The following ITGA6 variants were observed in gnomAD, a reference collection of about 807,000 sequenced individuals.
The protein encoded by ITGA6 is integrin alpha-6.
ITGA6 carries 63 observed loss-of-function variants against 133.6 expected under a neutral mutation model. That is an observed-to-expected ratio of 0.47 (90% CI 0.38 to 0.58). ITGA6 has a LOEUF of 0.58. Ranked by LOEUF, ITGA6 falls within the 20% of genes least tolerant of loss-of-function variation. The probability of loss-of-function intolerance (pLI) is 0.00; values close to 1 mark genes in which losing one functional copy is unlikely to be tolerated. For missense variants in ITGA6, 1,068 were observed against 1,309.4 expected, an observed-to-expected ratio of 0.82 and a Z score of 2.85; for synonymous variants, 434 against 482.0, an observed-to-expected ratio of 0.90 and a Z score of 1.30.
rs1303898315 is a variant in ITGA6, at chr2:172,491,785, C to T, written c.2988+262C>T. On this transcript the variant is annotated intron_variant, in intron 23 of 25. Transcript: ENST00000684293. The surrounding 1 kb of genome is among the most constrained non-coding windows in gnomAD (Gnocchi z 4.4). ...CTCAATTCAGAGAATGGGTGCACCT[C>T]ACAGCCCTCTAGAAACCTGTGTCTT... Among the ~76,000 whole-genome samples, 1 of 152,168 alleles carries T rather than the reference C, an allele frequency of 6.6e-6. No homozygotes were observed. Among genetic ancestry groups the T allele is most frequent in the Non-Finnish European group, 1.5e-5 (1 of 68,036 alleles).
intron 23 of ITGA6, among the ~76,000 whole-genome samples, chr2:172,493,367 A>G (rs974203721): frequency 2.6e-5 from 4 of 152,310 alleles, no homozygotes; most frequent in Admixed American, 1.3e-4. Flanking sequence ...CTCTGCATCT[A>G]TAAAGGCAGC....
chr2:172,475,009 A>C lies in ITGA6; in HGVS notation c.1067A>C (p.Asn356Thr). ...EVGGAVYVYM[N>T]QQGRWNNVKP... ...GGAGGTGCAGTGTATGTCTACATGAACCAGCAAGGCAGATGGAATAATGTG... is the reference window on the plus strand; with the variant it reads ...GGAGGTGCAGTGTATGTCTACATGACCCAGCAAGGCAGATGGAATAATGTG... The change falls in exon 7 of 26, where the codon AAC becomes ACC. Residue 356 changes from asparagine (N) to threonine (T), a missense_variant. Around this residue, in one of 3 missense-constraint regions of ITGA6, gnomAD observed 317 missense variants for 456.9 expected, o/e 0.69. Transcript: ENST00000684293. The C allele has an allele frequency of 1.3e-6, 2 of 1,592,654 alleles. No homozygotes were observed. Among genetic ancestry groups the C allele is most frequent in the Non-Finnish European group, 1.7e-6 (2 of 1,160,298 alleles).
chr2:172,498,845 T>C (rs1433948593), intron 24 of ITGA6, among the ~76,000 whole-genome samples: 2 of 152,208 alleles, frequency 1.3e-5, no homozygotes, highest in Admixed American at 1.3e-4. Context: ...TCTGAAACCT[T>C]GAAGTATATA....
At position 172,479,759 on chromosome 2, in the gene ITGA6, G is replaced by T. The variant is rs1427513665; in HGVS notation, c.1487+20G>T. 4 of 1,598,246 alleles carry T rather than the reference G, an allele frequency of 2.5e-6. No individual in the cohort carries two copies. In the Admixed American group the frequency reaches 5.0e-5, roughly 20 times the overall value. On this transcript the variant is annotated intron_variant, in intron 10 of 25. Transcript: ENST00000684293. ...GATATGGTGAGCATCCCTCTGTCTT[G>T]GTGGGATCCCCCTCAGTTTCCCACC...
chr2:172,435,080 C>T (rs1311896864), intron 1 of ITGA6, among the ~76,000 whole-genome samples: 1 of 148,626 alleles, frequency 6.7e-6, no homozygotes, highest in East Asian at 2.1e-4. Flanking sequence ...TGATAATAAA[C>T]ATTTCAGACC....
intron 13 of ITGA6, among the ~76,000 whole-genome samples, chr2:172,486,104 A>G (rs1686654156): frequency 7.2e-6 from 1 of 138,774 alleles, no homozygotes; most frequent in Non-Finnish European, 1.5e-5. Context: ...TAAACCCGGC[A>G]GGTGGAGTTG....
Position 172,480,059 on chromosome 2 carries a change from C to T in ITGA6, c.1549+8C>T. 6.8e-7 allele frequency: 1 copy of T among 1,466,456 alleles called. No homozygotes were observed. The highest frequency in any genetic ancestry group is 9.6e-7 in the Non-Finnish European group (1 of 1,045,728). The allele number at this position is 1,466,456 out of a possible 1,614,324, so 90.8% of individuals were successfully genotyped here. A position where few individuals can be genotyped will look rare whatever the true frequency, so the allele number is the denominator to read the frequency against. On this transcript the variant is annotated splice_region_variant and intron_variant, in intron 11 of 25. Transcript: ENST00000684293. ...GTTATAATCCTTCAATATGTAAGTA[C>T]CTAGTACCTTTAAAATATGTCTACT...
rs1048013975 is a variant in ITGA6, at chr2:172,498,004, T to C, written c.3018T>C (p.Thr1006=). Residue 1006 remains threonine, a synonymous_variant, in exon 24 of 26, where the codon ACT becomes ACC. Coordinates refer to ENST00000684293, the MANE Select transcript of ITGA6 (RefSeq NM_000210.4). The part of the protein sequence containing the change: ...QVRVTVFPSK[T]VAQYSGVPWW... Reference sequence around the variant, plus strand: ...GAGTGACTGTGTTTCCCTCAAAGACTGTAGCTCAGTATTCGGGAGTACCTT... The same window carrying C: ...GAGTGACTGTGTTTCCCTCAAAGACCGTAGCTCAGTATTCGGGAGTACCTT... The C allele has an allele frequency of 1.9e-6, 3 of 1,613,804 alleles. No homozygotes were observed. Among genetic ancestry groups the C allele is most frequent in the African/African-American group, 2.7e-5 (2 of 74,936 alleles).
chr2:172,476,245 T>C, intron 8 of ITGA6, 150 bp from the exon 9 acceptor site: 3 of 661,920 alleles, frequency 4.5e-6, no homozygotes, highest in Non-Finnish European at 8.3e-6. Context: ...TTAGATCATA[T>C]AGAAATTTAT....
chr2:172,435,886 C>T (rs1426816390), intron 1 of ITGA6, among the ~76,000 whole-genome samples: 1 of 151,980 alleles, frequency 6.6e-6, no homozygotes, highest in Non-Finnish European at 1.5e-5. Context: ...GGCTTGGCCT[C>T]CCAAAGTGTT....
chr2:172,467,352 G>C, intron 2 of ITGA6, 129 bp from the exon 3 acceptor site: 1 of 705,614 alleles, frequency 1.4e-6, no homozygotes, highest in South Asian at 1.5e-5. Context: ...TCTGGATTGA[G>C]TAACTGAATT....
At chr2:172,500,703 C>A (rs1163977901) in intron 24 of ITGA6, among the ~76,000 whole-genome samples, 1 of 152,156 alleles carries the variant, frequency 6.6e-6, no homozygotes, top group Non-Finnish European at 1.5e-5. Context: ...CTTCTTCCCA[C>A]CCTATTTACT....
In ITGA6 at chr2:172,501,813, C is replaced by CTT; in HGVS notation, c.3156_3157insTT (p.Thr1053LeufsTer29). 1 of 1,612,218 alleles carries CTT rather than the reference C, an allele frequency of 6.2e-7. No individual in the cohort carries two copies. The highest frequency in any genetic ancestry group is 2.2e-5 in the East Asian group (1 of 44,864). On this transcript the variant is annotated frameshift_variant, in exon 25 of 26. Transcript: ENST00000684293. LOFTEE classifies it high-confidence loss of function. ...GAAATAAGAAAGATCATTATGATGCCACATATCACAAGGCTGAGATCCATG... is the reference window on the plus strand; with the variant it reads ...GAAATAAGAAAGATCATTATGATGCCTTACATATCACAAGGCTGAGATCCATG...
chr2:172,479,121 TTAAA>T (rs751860630), intron 9 of ITGA6, among the ~76,000 whole-genome samples: 21 of 152,098 alleles, frequency 1.4e-4, no homozygotes, highest in Admixed American at 2.6e-4. Context: ...TAGGTACTGG[TTAAA>T]TAAAGGATGT....
intron 1 of ITGA6, among the ~76,000 whole-genome samples, chr2:172,439,494 T>C (rs989979477): frequency 2.0e-5 from 3 of 151,842 alleles, no homozygotes; most frequent in African/African-American, 7.2e-5. Flanking sequence ...GAGCATACAT[T>C]CCCCTGGTGT....
intron 2 of ITGA6, among the ~76,000 whole-genome samples, chr2:172,466,386 G>A (rs1460643705): frequency 2.6e-5 from 4 of 152,168 alleles, no homozygotes; most frequent in Non-Finnish European, 5.9e-5. Context: ...TTGGGAGGCC[G>A]AGTTGGGTGG....
At position 172,445,205 on chromosome 2, in the gene ITGA6, G is replaced by A. The variant is rs188626819; in HGVS notation, c.182+17235G>A. ...CTGGTTTGAACTTCTGACCTCAAGC[G>A]ACTGCCCGCCTCAGCCTCCCAAACT... On this transcript the variant is annotated intron_variant, in intron 1 of 25. Coordinates refer to ENST00000684293, the MANE Select transcript of ITGA6 (RefSeq NM_000210.4). Among the ~76,000 whole-genome samples, 61 of 151,680 alleles carry A rather than the reference G, an allele frequency of 4.0e-4. 1 individual carries two copies. Among genetic ancestry groups the A allele is most frequent in the African/African-American group, 1.4e-3 (57 of 41,406 alleles).
At chr2:172,499,846 C>T (rs1687277862) in intron 24 of ITGA6, among the ~76,000 whole-genome samples, 1 of 152,092 alleles carries the variant, frequency 6.6e-6, no homozygotes, top group African/African-American at 2.4e-5. Context: ...CAAATCATTC[C>T]ATCTCCCTGG....
intron 1 of ITGA6, among the ~76,000 whole-genome samples, chr2:172,459,490 A>G (rs68069880): frequency 0.22 from 33,834 of 151,992 alleles, 4,001 homozygotes; most frequent in East Asian, 0.3. Context: ...GGCAACAGAG[A>G]GAGACTGTCT....
Sources: allele counts gnomAD v4.1 joint callset (sites outside exome capture counted in the v4.1 genomes callset), GRCh38; gene constraint gnomAD v4.1.1; regional missense constraint gnomAD v4.1.1; non-coding constraint Gnocchi (gnomAD v3.1); transcripts MANE v1.5; gene names NCBI Gene and HGNC (gene_info 2026-07-23, HGNC 2026-07-21).